PDE4DIP: variants seen among roughly 807,000 people sequenced by gnomAD.
The protein encoded by PDE4DIP is myomegalin.
PDE4DIP carries 59 observed loss-of-function variants against 221.4 expected under a neutral mutation model. The ratio of observed to expected loss-of-function variants is 0.27; its 90% confidence interval spans 0.22 to 0.33. PDE4DIP has a LOEUF of 0.33. Among genes scored for constraint, PDE4DIP ranks in the 10% least tolerant of loss-of-function variants. The probability of loss-of-function intolerance (pLI) is 1.00; values close to 1 mark genes in which losing one functional copy is unlikely to be tolerated. For synonymous variants in PDE4DIP, 404 were observed against 815.9 expected, an observed-to-expected ratio of 0.50 and a Z score of 8.60; for missense variants, 1,036 against 2,154.2, an observed-to-expected ratio of 0.48 and a Z score of 10.28.
intron 32 of PDE4DIP, among the ~76,000 whole-genome samples, chr1:149,013,767 C>A: frequency 1.1e-5 from 1 of 89,462 alleles, no homozygotes; most frequent in Non-Finnish European, 2.1e-5. Context: ...CAGCATATTT[C>A]TTTCCTTCTT....
chr1:149,029,512 G>C (rs1337160389), intron 41 of PDE4DIP, among the ~76,000 whole-genome samples: 1 of 152,110 alleles, frequency 6.6e-6, no homozygotes, highest in Non-Finnish European at 1.5e-5. Flanking sequence ...TCAGAGTTGG[G>C]AGTTTGATAC....
At chr1:149,000,603 A>AT (rs2065422822) in intron 23 of PDE4DIP, among the ~76,000 whole-genome samples, 1 of 151,956 alleles carries the variant, frequency 6.6e-6, no homozygotes, top group Non-Finnish European at 1.5e-5. Context: ...TGTGGAACTT[A>AT]AGTAAAATGT....
intron 41 of PDE4DIP, among the ~76,000 whole-genome samples, chr1:149,029,277 C>T (rs1188407077): frequency 2.6e-5 from 4 of 152,192 alleles, no homozygotes; most frequent in Non-Finnish European, 5.9e-5. Context: ...ATCCCCTCCC[C>T]AGGGATTCTA....
intron 5 of PDE4DIP, chr1:148,938,107 C>G (rs2049660706): frequency 5.7e-6 from 2 of 352,336 alleles, no homozygotes; most frequent in South Asian, 6.8e-5. Flanking sequence ...GCTCTTTTCT[C>G]ATCTGGAGGC....
chr1:148,820,492 C>A (rs1315528457), intron 1 of PDE4DIP, among the ~76,000 whole-genome samples: 4 of 144,630 alleles, frequency 2.8e-5, no homozygotes, highest in African/African-American at 1.0e-4. Flanking sequence ...CACTTGAACC[C>A]AGGAGGCGTA....
intron 1 of PDE4DIP, among the ~76,000 whole-genome samples, chr1:148,862,243 T>C (rs1334417632): frequency 1.3e-5 from 2 of 151,388 alleles, no homozygotes; most frequent in Admixed American, 6.6e-5. Flanking sequence ...CTCCCCTTAC[T>C]GTAAAAATTC....
Position 148,967,916 on chromosome 1 carries a change from A to C in PDE4DIP, c.1785+11A>C. Reference sequence around the variant, plus strand: ...AACAAAGAAGTGGAGGCAAGACTTCAGTTAACTTTAAGGCAGTTGGTTCAG... The same window carrying C: ...AACAAAGAAGTGGAGGCAAGACTTCCGTTAACTTTAAGGCAGTTGGTTCAG... On this transcript the variant is annotated intron_variant, in intron 13 of 43. Transcript: ENST00000369354. The C allele has an allele frequency of 1.3e-6, 1 of 769,756 alleles. No homozygotes were observed. The highest frequency in any genetic ancestry group is 2.4e-5 in the East Asian group (1 of 40,962). The allele number at this position is 769,756 out of a possible 1,614,324, so 47.7% of individuals were successfully genotyped here. A position where few individuals can be genotyped will look rare whatever the true frequency, so the allele number is the denominator to read the frequency against.
At chr1:148,966,396 T>TG (rs1412289317) in intron 10 of PDE4DIP, 147 bp from the exon 14 acceptor site, 1 of 524,312 alleles carries the variant, frequency 1.9e-6, no homozygotes, top group Admixed American at 3.3e-5. Flanking sequence ...AGTTTACAGT[T>TG]TATATGTCTG....
intron 41 of PDE4DIP, among the ~76,000 whole-genome samples, chr1:149,029,219 G>A (rs1387500771): frequency 1.3e-5 from 2 of 152,152 alleles, no homozygotes; most frequent in Non-Finnish European, 2.9e-5. Context: ...TCTGCTCAGA[G>A]CTCAGGCTAA....
intron 27 of PDE4DIP, 73 bp downstream of exon 30, chr1:149,005,510 G>A (rs1395014920): frequency 1.8e-6 from 2 of 1,119,110 alleles, no homozygotes; most frequent in Non-Finnish European, 2.6e-6. Context: ...GGGTAGCTCA[G>A]GCAGTTGGAA....
intron 19 of PDE4DIP, 82 bp from the exon 23 acceptor site, chr1:148,979,655 T>C: frequency 7.8e-7 from 1 of 1,275,044 alleles, no homozygotes; most frequent in South Asian, 1.2e-5. Flanking sequence ...TAAGTCATAG[T>C]ACATGCTAAT....
intron 5 of PDE4DIP, among the ~76,000 whole-genome samples, chr1:148,946,044 T>C (rs1169211779): frequency 6.6e-6 from 1 of 151,584 alleles, no homozygotes; most frequent in Non-Finnish European, 1.5e-5. Flanking sequence ...TTTCCATCTG[T>C]GTGAAATGTC....
chr1:148,979,953 T>TA (rs2060813278), intron 20 of PDE4DIP, 104 bp downstream of exon 23: 9 of 1,412,374 alleles, frequency 6.4e-6, no homozygotes, highest in Non-Finnish European at 8.7e-6. Flanking sequence ...ATGCTTATGA[T>TA]ACTGAAGAGG....
chr1:148,987,215 A>C (rs1223948606), intron 21 of PDE4DIP, among the ~76,000 whole-genome samples: 1 of 152,206 alleles, frequency 6.6e-6, no homozygotes, highest in South Asian at 2.1e-4. Flanking sequence ...GACTGCAGAC[A>C]GCAGTTTTCT....
chr1:148,998,348 C>G (rs782138529), exon 23 of PDE4DIP: 3 of 1,589,936 alleles, frequency 1.9e-6, no homozygotes, highest in South Asian at 2.2e-5. Context: ...ATTGAGGAAG[C>G]AGGATTCTCC....
At position 149,030,082 on chromosome 1, in the gene PDE4DIP, G is replaced by A. The variant is rs1175146614; in HGVS notation, c.6953-150G>A. ...TCCTGTACCAGGAGCAATTGTGGCTGCAGAGGGAGGGGAGGACAGGGGGTG... is the reference window on the plus strand; with the variant it reads ...TCCTGTACCAGGAGCAATTGTGGCTACAGAGGGAGGGGAGGACAGGGGGTG... On this transcript the variant is annotated intron_variant, in intron 42 of 43. Transcript: ENST00000369354. The A allele has an allele frequency of 1.4e-5, 15 of 1,042,738 alleles. 1 individual carries two copies. Among genetic ancestry groups the A allele is most frequent in the Non-Finnish European group, 2.1e-5 (15 of 702,540 alleles). 64.6% of individuals were successfully genotyped at this position (1,042,738 alleles called of 1,614,324 possible).
At chr1:148,981,750 G>A in intron 21 of PDE4DIP, 1 of 237,178 alleles carries the variant, frequency 4.2e-6, no homozygotes, top group South Asian at 6.4e-5. Context: ...TCCCTTCTGT[G>A]GGCCAATAAA....
At chr1:148,989,708 C>G (rs2062631845) in intron 21 of PDE4DIP, among the ~76,000 whole-genome samples, 1 of 152,158 alleles carries the variant, frequency 6.6e-6, no homozygotes, top group South Asian at 2.1e-4. Flanking sequence ...ACAATGTGAA[C>G]AGTCTGTTTT....
At chr1:148,934,907 C>A (rs2048866299) in intron 4 of PDE4DIP, among the ~76,000 whole-genome samples, 2 of 151,980 alleles carry the variant, frequency 1.3e-5, no homozygotes. Flanking sequence ...GCCACCATAC[C>A]CAGCCCAATG....
Sources: allele counts gnomAD v4.1 joint callset (sites outside exome capture counted in the v4.1 genomes callset), GRCh38; gene constraint gnomAD v4.1.1; transcripts MANE v1.5; gene names NCBI Gene and HGNC (gene_info 2026-07-23, HGNC 2026-07-21).